The following KCNIP4 variants were observed in gnomAD, a reference collection of about 807,000 sequenced individuals.
The protein encoded by KCNIP4 is Kv channel-interacting protein 4.
Under a neutral mutation model 34.0 loss-of-function variants are expected in KCNIP4, and 12 were observed. That is an observed-to-expected ratio of 0.35 (90% confidence interval 0.23 to 0.57). The LOEUF is 0.57. KCNIP4 is among the 20% of genes least tolerant of loss of function. KCNIP4 has a pLI of 0.83. For synonymous variants in KCNIP4, 124 were observed against 102.2 expected (o/e 1.21, Z -1.29); for missense variants, 238 against 311.7 (o/e 0.76, Z 1.78).
At chr4:21,249,503 A>T (rs1760533729) in intron 1 of KCNIP4, among the ~76,000 whole-genome samples, 1 of 152,084 alleles carries the variant, frequency 6.6e-6, no homozygotes, top group Non-Finnish European at 1.5e-5. Flanking sequence ...TTGGCAAGCA[A>T]TAACCATGTC....
At chr4:21,738,262 C>T (rs1010252669) in intron 1 of KCNIP4, among the ~76,000 whole-genome samples, 2 of 151,672 alleles carry the variant, frequency 1.3e-5, no homozygotes, top group Non-Finnish European at 2.9e-5. Flanking sequence ...AAAGAAAATC[C>T]CACAGTAAAA....
chr4:20,932,475 CTATAATAGTCTAATATTGTAGACTA>C (rs1730581578), intron 1 of KCNIP4, among the ~76,000 whole-genome samples: 7 of 128,784 alleles, frequency 5.4e-5, no homozygotes, highest in Non-Finnish European at 3.2e-5. Context: ...CTATAATAGT[CTATAATAGTCTAATATTGTAGACTA>C]TAATAGTCTT....
intron 1 of KCNIP4, among the ~76,000 whole-genome samples, chr4:21,208,245 C>T (rs1756988382): frequency 6.6e-6 from 1 of 152,136 alleles, no homozygotes; most frequent in South Asian, 2.1e-4. Flanking sequence ...TTCCATATGT[C>T]TAGACCCCTT....
At chr4:21,643,979 T>A (rs923808637) in intron 1 of KCNIP4, among the ~76,000 whole-genome samples, 2 of 152,120 alleles carry the variant, frequency 1.3e-5, no homozygotes, top group Non-Finnish European at 2.9e-5. Flanking sequence ...GTATCCCCAA[T>A]GCTTTACTCA....
chr4:20,744,201 T>G (rs1331665792), intron 5 of KCNIP4, among the ~76,000 whole-genome samples: 1 of 150,900 alleles, frequency 6.6e-6, no homozygotes, highest in African/African-American at 2.4e-5. Flanking sequence ...GGAAGACTGG[T>G]GACTCCTCAA....
In KCNIP4 at chr4:21,129,901, C is replaced by A. The variant is rs1041763675; in HGVS notation, c.62-247192G>T. 1.0e-4 allele frequency among the ~76,000 whole-genome samples: 14 copies of A among 135,144 alleles called. No homozygotes were observed. The East Asian group carries it at 1.2e-3, about 12-fold the overall frequency. 88.7% of individuals were successfully genotyped at this position (135,144 alleles called of 152,430 possible). A position where few individuals can be genotyped will look rare whatever the true frequency, so the allele number is the denominator to read the frequency against. On this transcript the variant is annotated intron_variant, in intron 1 of 8. Transcript: ENST00000382152. ...GAAGCAGAAATGTTAAAAAAAAAAA[C>A]AGTGTGAATGTAAATGATGTTTTGT...
rs553194631 is a variant in KCNIP4 at position 20,923,523 on chromosome 4, T to C, written c.62-40814A>G. The stretch of plus-strand genomic sequence containing the variant: ...AAAAAGCTCATTGATACATAGTTCA[T>C]AATTTGTAATAGTGACTCTAAGATA... On this transcript the variant is annotated intron_variant, in intron 1 of 8. Coordinates refer to ENST00000382152, the MANE Select transcript of KCNIP4 (RefSeq NM_025221.6). 3.3e-5 allele frequency among the ~76,000 whole-genome samples: 5 copies of C among 152,326 alleles called. No individual in the cohort carries two copies. In the South Asian group the frequency reaches 1.0e-3, roughly 32 times the overall value.
chr4:21,579,004 G>A (rs2109067458), intron 1 of KCNIP4, among the ~76,000 whole-genome samples: 1 of 152,240 alleles, frequency 6.6e-6, no homozygotes, highest in South Asian at 2.1e-4. Flanking sequence ...GCTCATAGAA[G>A]CCTAAATTTT....
intron 1 of KCNIP4, among the ~76,000 whole-genome samples, chr4:21,145,271 C>G (rs1752270317): frequency 6.6e-6 from 1 of 152,054 alleles, no homozygotes. Context: ...AATTCTTTTT[C>G]CATTTTTAGT....
At chr4:21,712,776 AT>A (rs201898263) in intron 1 of KCNIP4, among the ~76,000 whole-genome samples, 20 of 151,838 alleles carry the variant, frequency 1.3e-4, no homozygotes, top group African/African-American at 2.7e-4. Flanking sequence ...CCATTCAGAG[AT>A]TTTTAAAAAA....
chr4:21,925,325 C>T (rs1304252970), intron 1 of KCNIP4, among the ~76,000 whole-genome samples: 3 of 149,538 alleles, frequency 2.0e-5, no homozygotes, highest in Non-Finnish European at 4.4e-5. Flanking sequence ...TGAGTGAGAA[C>T]ATGTGGTGTT....
chr4:21,136,625 T>A (rs1250884176), intron 1 of KCNIP4, among the ~76,000 whole-genome samples: 1 of 152,100 alleles, frequency 6.6e-6, no homozygotes, highest in East Asian at 1.9e-4. Context: ...TGATGATAAT[T>A]CTCTTGGGAT....
intron 1 of KCNIP4, among the ~76,000 whole-genome samples, chr4:21,804,363 T>C (rs1244975492): frequency 6.6e-6 from 1 of 152,230 alleles, no homozygotes. Context: ...GATCATACAG[T>C]GACCTTGTGT....
intron 1 of KCNIP4, among the ~76,000 whole-genome samples, chr4:20,987,378 GA>G (rs1466422145): frequency 2.6e-5 from 4 of 151,016 alleles, no homozygotes; most frequent in African/African-American, 9.8e-5. Flanking sequence ...ACATTGTAAT[GA>G]GTCCTCCAGC....
intron 1 of KCNIP4, among the ~76,000 whole-genome samples, chr4:21,389,684 C>A (rs901374598): frequency 6.6e-6 from 1 of 151,888 alleles, no homozygotes; most frequent in Non-Finnish European, 1.5e-5. Flanking sequence ...GCCACATTTT[C>A]TTAATCCAGT....
At chr4:21,233,688 G>T (rs1219746401) in intron 1 of KCNIP4, among the ~76,000 whole-genome samples, 1 of 151,178 alleles carries the variant, frequency 6.6e-6, no homozygotes, top group African/African-American at 2.4e-5. Flanking sequence ...ATGACCTGGG[G>T]ACTGTAAGAT....
chr4:21,663,130 TA>T (rs1748571702), intron 1 of KCNIP4, among the ~76,000 whole-genome samples: 1 of 152,208 alleles, frequency 6.6e-6, no homozygotes, highest in Non-Finnish European at 1.5e-5. Flanking sequence ...ATCAGTTTTC[TA>T]AACTGATAAT....
In KCNIP4 at chr4:21,183,275, T is replaced by C. The variant is rs112602686; in HGVS notation, c.62-300566A>G. 7.2e-5 allele frequency among the ~76,000 whole-genome samples: 11 copies of C among 152,276 alleles called. 1 individual carries two copies. Among genetic ancestry groups the C allele is most frequent in the African/African-American group, 2.4e-4 (10 of 41,584 alleles). ...TCATCTGTCAATTGACTCCGTAGTC[T>C]AGCCATTGTGAATAATGCTGCAATG... On this transcript the variant is annotated intron_variant, in intron 1 of 8. Coordinates refer to ENST00000382152, the MANE Select transcript of KCNIP4 (RefSeq NM_025221.6).
chr4:21,042,392 G>T (rs1304715437), intron 1 of KCNIP4, among the ~76,000 whole-genome samples: 3 of 152,156 alleles, frequency 2.0e-5, no homozygotes, highest in African/African-American at 7.2e-5. Context: ...TGACAACATG[G>T]ATAAGCCTGG....
Sources: gnomAD v4.1 joint callset for allele counts (sites outside exome capture counted in the v4.1 genomes callset) on GRCh38, gnomAD v4.1.1 for gene constraint, MANE v1.5 for transcripts, NCBI Gene and HGNC (gene_info 2026-07-23, HGNC 2026-07-21) for gene names.